ZEB1: variants seen among roughly 807,000 people sequenced by gnomAD.
ZEB1 encodes zinc finger E-box-binding homeobox 1.
In ZEB1, 21 loss-of-function variants were observed where a neutral mutation model predicts 84.9. The observed-to-expected ratio is 0.25, with a 90% CI of 0.18 to 0.36. The LOEUF (loss-of-function observed/expected upper bound fraction) is 0.36, where lower values mean the gene tolerates loss of function less well. Among genes scored for constraint, ZEB1 ranks in the 10% least tolerant of loss-of-function variants. The pLI is 1.00. For synonymous variants in ZEB1, 420 were observed against 471.1 expected, an observed-to-expected ratio of 0.89 and a Z score of 1.41; for missense variants, 1,104 against 1,330.2, an observed-to-expected ratio of 0.83 and a Z score of 2.65.
At chr10:31,409,728 T>A (rs1331253442) in intron 1 of ZEB1, among the ~76,000 whole-genome samples, 1 of 152,234 alleles carries the variant, frequency 6.6e-6, no homozygotes, top group Non-Finnish European at 1.5e-5. Context: ...GTCCTTCACA[T>A]CCCTTGTAAG....
chr10:31,397,600 G>T (rs1387990331), intron 1 of ZEB1, among the ~76,000 whole-genome samples: 4 of 152,144 alleles, frequency 2.6e-5, no homozygotes, highest in Non-Finnish European at 4.4e-5. Context: ...TTGCACAACT[G>T]TTTAAAGCAG....
intron 1 of ZEB1, among the ~76,000 whole-genome samples, chr10:31,326,624 T>C (rs2035554587): frequency 6.6e-6 from 1 of 152,196 alleles, no homozygotes; most frequent in African/African-American, 2.4e-5. Flanking sequence ...TTGGACTAGG[T>C]CACAGCTTTT....
chr10:31,362,325 C>T (rs1283321663), intron 1 of ZEB1, among the ~76,000 whole-genome samples: 4 of 146,870 alleles, frequency 2.7e-5, no homozygotes, highest in South Asian at 2.2e-4. Flanking sequence ...CCGGACGGGG[C>T]GGTGGCCGAG....
intron 2 of ZEB1, among the ~76,000 whole-genome samples, chr10:31,464,120 C>T (rs1256472270): frequency 6.6e-6 from 1 of 151,884 alleles, no homozygotes; most frequent in Non-Finnish European, 1.5e-5. Flanking sequence ...ATACATTTAA[C>T]AACAAATTAA....
At chr10:31,412,540 G>C (rs1356677187) in intron 1 of ZEB1, among the ~76,000 whole-genome samples, 1 of 152,174 alleles carries the variant, frequency 6.6e-6, no homozygotes, top group African/African-American at 2.4e-5. Context: ...ATAGTTTGCT[G>C]AGAATGATGG....
chr10:31,330,507 C>T (rs1037768402), intron 1 of ZEB1, among the ~76,000 whole-genome samples: 4 of 152,146 alleles, frequency 2.6e-5, no homozygotes, highest in African/African-American at 9.7e-5. Context: ...TTCTTATTTC[C>T]TACAAGGTTT....
intron 7 of ZEB1, among the ~76,000 whole-genome samples, chr10:31,523,672 C>T (rs1279527943): frequency 6.6e-6 from 1 of 152,156 alleles, no homozygotes; most frequent in Non-Finnish European, 1.5e-5. Context: ...TGCTTTCTTT[C>T]CAGTACCAGT....
chr10:31,403,325 T>TA (rs1478634503), intron 1 of ZEB1, among the ~76,000 whole-genome samples: 1 of 151,978 alleles, frequency 6.6e-6, no homozygotes, highest in Non-Finnish European at 1.5e-5. Context: ...AGGTAATAGT[T>TA]ATTGTTGCAG....
intron 1 of ZEB1, chr10:31,319,615 G>A: frequency 2.8e-6 from 1 of 352,934 alleles, no homozygotes. Context: ...GCGGGCGGCC[G>A]GGACGCACTG....
chr10:31,439,723 G>A (rs1336307412), intron 1 of ZEB1, among the ~76,000 whole-genome samples: 4 of 152,116 alleles, frequency 2.6e-5, no homozygotes. Flanking sequence ...TCCCTGAGGA[G>A]GTGGAATTGG....
intron 2 of ZEB1, among the ~76,000 whole-genome samples, chr10:31,474,038 A>G (rs2063689221): frequency 6.6e-6 from 1 of 152,232 alleles, no homozygotes; most frequent in Non-Finnish European, 1.5e-5. Flanking sequence ...TCCCTTCCTT[A>G]CACCTTATAC....
At chr10:31,385,055 A>G (rs2048374586) in intron 1 of ZEB1, among the ~76,000 whole-genome samples, 1 of 152,164 alleles carries the variant, frequency 6.6e-6, no homozygotes, top group African/African-American at 2.4e-5. Context: ...TTATTTCTTT[A>G]GTCTAAAGTT....
At chr10:31,483,841 C>A (rs554687707) in intron 2 of ZEB1, among the ~76,000 whole-genome samples, 1 of 152,112 alleles carries the variant, frequency 6.6e-6, no homozygotes, top group Non-Finnish European at 1.5e-5. Flanking sequence ...AATTTACTTT[C>A]TTTTGGCTCT....
chr10:31,442,882 G>T (rs1230422548), intron 1 of ZEB1, among the ~76,000 whole-genome samples: 1 of 152,178 alleles, frequency 6.6e-6, no homozygotes, highest in East Asian at 1.9e-4. Context: ...AACAGTGTTG[G>T]TGGAGTGTTG....
chr10:31,365,055 G>T (rs1403765067), intron 1 of ZEB1, among the ~76,000 whole-genome samples: 1 of 152,102 alleles, frequency 6.6e-6, no homozygotes, highest in Non-Finnish European at 1.5e-5. Flanking sequence ...TCGTCTGATG[G>T]GAAGGATCCA....
At chr10:31,351,301 G>A (rs780611061) in intron 1 of ZEB1, among the ~76,000 whole-genome samples, 11 of 152,208 alleles carry the variant, frequency 7.2e-5, no homozygotes, top group Admixed American at 5.2e-4. Flanking sequence ...AGAATCTTTC[G>A]TAGTGTCTGC....
rs1387481817 is a variant in ZEB1 at position 31,512,250 on chromosome 10, C to T, written c.687+1375C>T. 2.0e-5 allele frequency among the ~76,000 whole-genome samples: 3 copies of T among 152,140 alleles called. No individual in the cohort carries two copies. The South Asian group carries it at 6.2e-4, about 32-fold the overall frequency. On this transcript the variant is annotated intron_variant, in intron 5 of 8. Transcript: ENST00000424869. ...CACCATATTCCCTCTACTCCAAGGGCCATCGTGAAAGGAGAGGACAGATTG... is the reference window on the plus strand; with the variant it reads ...CACCATATTCCCTCTACTCCAAGGGTCATCGTGAAAGGAGAGGACAGATTG...
intron 1 of ZEB1, among the ~76,000 whole-genome samples, chr10:31,388,257 A>G (rs1418622172): frequency 6.6e-6 from 1 of 152,146 alleles, no homozygotes; most frequent in Admixed American, 6.5e-5. Context: ...TAACAATGAG[A>G]CTTAAAGTAC....
Position 31,407,120 on chromosome 10 carries a change from G to A in ZEB1, c.59-53917G>A, listed in dbSNP as rs549757933. ...TTTATTTATTATTATTATACCTTAAGTTTTAGGGTACATGTGCACAATGTG... is the reference window on the plus strand; with the variant it reads ...TTTATTTATTATTATTATACCTTAAATTTTAGGGTACATGTGCACAATGTG... On this transcript the variant is annotated intron_variant, in intron 1 of 8. Transcript: ENST00000424869. Among the ~76,000 whole-genome samples, 14 of 151,484 alleles carry A rather than the reference G, an allele frequency of 9.2e-5. No homozygotes were observed. The East Asian group carries it at 2.3e-3, about 25-fold the overall frequency.
Sources: allele counts gnomAD v4.1 joint callset (sites outside exome capture counted in the v4.1 genomes callset), GRCh38; gene constraint gnomAD v4.1.1; transcripts MANE v1.5; gene names NCBI Gene and HGNC (gene_info 2026-07-23, HGNC 2026-07-21).